LRPPRC: variants seen among roughly 807,000 people sequenced by gnomAD.
LRPPRC encodes the protein leucine rich pentatricopeptide repeat containing, also known as leucine-rich PPR motif-containing protein, mitochondrial.
A neutral mutation model predicts 180.3 loss-of-function variants in LRPPRC; 120 were observed. The observed-to-expected ratio is 0.67, with a 90% CI of 0.57 to 0.77. The LOEUF (loss-of-function observed/expected upper bound fraction) is 0.77, where lower values mean the gene tolerates loss of function less well. Among genes scored for constraint, LRPPRC ranks in the 30% least tolerant of loss-of-function variants. The pLI is 0.00. For synonymous variants in LRPPRC, 723 were observed against 600.0 expected (o/e 1.21, Z -3.00); for missense variants, 2,012 against 1,657.2 (o/e 1.21, Z -3.72).
chr2:43,961,021 A>C (rs1164634324), intron 12 of LRPPRC, among the ~76,000 whole-genome samples: 1 of 152,226 alleles, frequency 6.6e-6, no homozygotes, highest in Non-Finnish European at 1.5e-5. Context: ...ACTTGTCCCA[A>C]CATCATTTGT....
chr2:43,988,057 A>G (rs1027105323), intron 1 of LRPPRC, among the ~76,000 whole-genome samples: 10 of 152,016 alleles, frequency 6.6e-5, no homozygotes, highest in African/African-American at 2.4e-4. Flanking sequence ...CCCGGCCAAC[A>G]TGTGAAACCC....
At chr2:43,976,835 T>C (rs189701914) in intron 5 of LRPPRC, among the ~76,000 whole-genome samples, 159 bp downstream of exon 5, 39 of 152,310 alleles carry the variant, frequency 2.6e-4, no homozygotes, top group African/African-American at 8.2e-4. Flanking sequence ...ACGATAATTT[T>C]ATATTTTATG....
intron 1 of LRPPRC, among the ~76,000 whole-genome samples, chr2:43,984,430 T>A (rs556970964): frequency 6.6e-6 from 1 of 152,358 alleles, no homozygotes; most frequent in African/African-American, 2.4e-5. Context: ...ACTAGCACAT[T>A]GTTCTGAATA....
At chr2:43,962,264 A>C (rs891027468) in intron 12 of LRPPRC, among the ~76,000 whole-genome samples, 1 of 151,940 alleles carries the variant, frequency 6.6e-6, no homozygotes, top group Admixed American at 6.6e-5. Flanking sequence ...AAAGTTACTT[A>C]AAAAATTTTT....
chr2:43,888,352 G>GA lies in LRPPRC; in HGVS notation c.*247dup. 1 of 399,282 alleles carries GA rather than the reference G, an allele frequency of 2.5e-6. No individual in the cohort carries two copies. The highest frequency in any genetic ancestry group is 2.7e-5 in the South Asian group (1 of 36,584). The allele number at this position is 399,282 out of a possible 1,614,324, so 24.7% of individuals were successfully genotyped here. On this transcript the variant is annotated 3_prime_UTR_variant, in exon 38 of 38. Transcript: ENST00000260665. Reference sequence around the variant, plus strand: ...AAGAGCCAATTAGGGGAAGAATCCTGAAAAAGTATGGCTTCACACAGCAGC... The same window carrying GA: ...AAGAGCCAATTAGGGGAAGAATCCTGAAAAAAGTATGGCTTCACACAGCAGC...
chr2:43,889,747 A>AAT lies in LRPPRC; in HGVS notation c.4114_4115insAT (p.Phe1372TyrfsTer16), dbSNP rs752998267. The AAT allele has an allele frequency of 1.9e-6, 3 of 1,613,070 alleles. No individual in the cohort carries two copies. In the South Asian group the frequency reaches 3.3e-5, roughly 18 times the overall value. On this transcript the variant is annotated frameshift_variant, in exon 37 of 38. Coordinates refer to ENST00000260665, the MANE Select transcript of LRPPRC (RefSeq NM_133259.4). LOFTEE classifies it high-confidence loss of function. ...AGAAATACTCACAGGGGGTTCAATG[A>AAT]AAGGGACAGGCTCTCCAGCATACTT...
chr2:43,921,371 AG>A (rs772771113), intron 27 of LRPPRC, among the ~76,000 whole-genome samples: 7 of 152,224 alleles, frequency 4.6e-5, no homozygotes, highest in Non-Finnish European at 1.0e-4. Context: ...TCAACTTCAG[AG>A]GTTTTAAGGA....
Position 43,977,186 on chromosome 2 carries a change from T to G in LRPPRC, c.560A>C (p.Lys187Thr), listed in dbSNP as rs1674095648. The stretch of plus-strand genomic sequence containing the variant: ...TGGTTGAATGTTTGCTTCCTCCATT[T>G]TTGCCAGGAAATCAGTTGGTGAGAA... ...YKFSPTDFLAKMEEANIQPNR... is the reference protein window; with the variant it reads ...YKFSPTDFLATMEEANIQPNR... The change falls in exon 4 of 38, where the codon AAA (lysine) becomes ACA (threonine). Residue 187 changes from lysine to threonine, a missense_variant. Coordinates refer to ENST00000260665, the MANE Select transcript of LRPPRC (RefSeq NM_133259.4). 4 of 1,611,258 alleles carry G rather than the reference T, an allele frequency of 2.5e-6. No individual in the cohort carries two copies. The East Asian group carries it at 8.9e-5, about 36-fold the overall frequency.
At position 43,949,671 on chromosome 2, in the gene LRPPRC, G is replaced by GA; in HGVS notation, c.1678-13dup. 1 of 1,605,584 alleles carries GA rather than the reference G, an allele frequency of 6.2e-7. No homozygotes were observed. The highest frequency in any genetic ancestry group is 8.5e-7 in the Non-Finnish European group (1 of 1,172,378). On this transcript the variant is annotated splice_polypyrimidine_tract_variant and intron_variant, in intron 15 of 37. Coordinates refer to ENST00000260665, the MANE Select transcript of LRPPRC (RefSeq NM_133259.4). ...AACAATTCTGTTATCTGGTAAGACA[G>GA]AAAATTCGTGCATTGCAGCAAGAGA...
chr2:43,907,043 C>G (rs1027172744), intron 30 of LRPPRC, among the ~76,000 whole-genome samples: 4 of 152,144 alleles, frequency 2.6e-5, no homozygotes, highest in African/African-American at 7.2e-5. Flanking sequence ...ATTAAAAGCT[C>G]ACTTCTAATA....
intron 11 of LRPPRC, among the ~76,000 whole-genome samples, chr2:43,971,086 G>A (rs1482863559): frequency 6.9e-6 from 1 of 145,954 alleles, no homozygotes; most frequent in African/African-American, 2.6e-5. Context: ...GACAACAAGA[G>A]CGAAACTGTG....
intron 1 of LRPPRC, among the ~76,000 whole-genome samples, chr2:43,988,080 A>T (rs1013173263): frequency 6.6e-6 from 1 of 151,986 alleles, no homozygotes; most frequent in Non-Finnish European, 1.5e-5. Flanking sequence ...TCTCTACTAA[A>T]AATACAAAAA....
rs746321953 is a variant in LRPPRC at position 43,888,624 on chromosome 2, T to C, written c.4161A>G (p.Arg1387=). The change falls in exon 38 of 38, where the codon AGA becomes AGG. Residue 1387 remains arginine, a synonymous_variant. Coordinates refer to ENST00000260665, the MANE Select transcript of LRPPRC (RefSeq NM_133259.4). ...TTCAAGAAGAGTTTTCCCTCAATTT[T>C]CTTAGCTGCTGTGCATAAAATTCAA... is the stretch of plus-strand genomic sequence containing the variant. ...ESFEFYAQQL[R]KLRENSS is the part of the protein sequence containing the mutation. 1.9e-6 allele frequency: 3 copies of C among 1,603,376 alleles called. No homozygotes were observed. The highest frequency in any genetic ancestry group is 1.1e-5 in the South Asian group (1 of 90,760).
In LRPPRC at chr2:43,963,683, T is replaced by G; in HGVS notation, c.1393A>C (p.Met465Leu). 1 of 1,594,474 alleles carries G rather than the reference T, an allele frequency of 6.3e-7. No homozygotes were observed. The highest frequency in any genetic ancestry group is 2.2e-5 in the East Asian group (1 of 44,778). ...VQGIIEILKG[M>L]QELGVHPDQE... The stretch of plus-strand genomic sequence containing the variant: ...TCAGGATGTACTCCCAATTCTTGCA[T>G]TCCTTTGAGGATTTCAATTATACCT... Residue 465 changes from methionine (M) to leucine (L), a missense_variant, in exon 12 of 38, where the codon ATG (methionine) becomes CTG (leucine). Physicochemically the swap from Met to Leu is conservative, Grantham distance 15 (BLOSUM62 2). Transcript: ENST00000260665.
chr2:43,980,929 G>C (rs1444959307), intron 2 of LRPPRC, among the ~76,000 whole-genome samples: 2 of 152,136 alleles, frequency 1.3e-5, no homozygotes, highest in Non-Finnish European at 1.5e-5. Context: ...ATAAGTCAGA[G>C]AGAGAATGTG....
chr2:43,890,374 T>TAAAC, intron 36 of LRPPRC: 1 of 469,674 alleles, frequency 2.1e-6, no homozygotes, highest in Non-Finnish European at 4.4e-6. Flanking sequence ...TATTGTAAAA[T>TAAAC]AAACAAATAT....
chr2:43,960,026 A>G (rs1673274742), intron 13 of LRPPRC, among the ~76,000 whole-genome samples: 1 of 152,234 alleles, frequency 6.6e-6, no homozygotes, highest in Admixed American at 6.5e-5. Flanking sequence ...CTATCAATGG[A>G]GATAATTGTA....
intron 23 of LRPPRC, among the ~76,000 whole-genome samples, chr2:43,939,273 C>T (rs1672388495): frequency 6.6e-6 from 1 of 150,500 alleles, no homozygotes; most frequent in South Asian, 2.1e-4. Context: ...AGCAAGACTC[C>T]GTCTCAAAAA....
At chr2:43,970,443 GATCT>G (rs1673754447) in intron 11 of LRPPRC, among the ~76,000 whole-genome samples, 1 of 152,070 alleles carries the variant, frequency 6.6e-6, no homozygotes, top group Admixed American at 6.5e-5. Flanking sequence ...AGGAAAGACT[GATCT>G]ATCTGAACAA....
Sources: gnomAD v4.1 joint callset for allele counts (sites outside exome capture counted in the v4.1 genomes callset) on GRCh38, gnomAD v4.1.1 for gene constraint, MANE v1.5 for transcripts, NCBI Gene and HGNC (gene_info 2026-07-23, HGNC 2026-07-21) for gene names.